The following TMEM268 variants were observed in gnomAD, a reference collection of about 807,000 sequenced individuals.
The protein encoded by TMEM268 is transmembrane protein C9orf91.
A neutral mutation model predicts 39.1 loss-of-function variants in TMEM268; 24 were observed. The ratio of observed to expected loss-of-function variants is 0.61; its 90% CI spans 0.44 to 0.86. TMEM268 has a LOEUF of 0.86. TMEM268 is among the 40% of genes least tolerant of loss of function. The probability of loss-of-function intolerance (pLI) is 0.00; values close to 1 mark genes in which losing one functional copy is unlikely to be tolerated. For missense variants in TMEM268, 409 were observed against 428.6 expected, an observed-to-expected ratio of 0.95 and a Z score of 0.40; for synonymous variants, 176 against 173.5, an observed-to-expected ratio of 1.01 and a Z score of -0.12.
intron 3 of TMEM268, among the ~76,000 whole-genome samples, chr9:114,626,072 G>A (rs991807481): frequency 1.3e-5 from 2 of 152,040 alleles, no homozygotes; most frequent in East Asian, 1.9e-4. Flanking sequence ...TGATCCGCCC[G>A]CCTTGACCTC....
chr9:114,642,566 T>C (rs1827402436), intron 8 of TMEM268, among the ~76,000 whole-genome samples: 1 of 152,140 alleles, frequency 6.6e-6, no homozygotes, highest in Non-Finnish European at 1.5e-5. Context: ...TACAGACTCA[T>C]AGACATTTGA....
At position 114,626,948 on chromosome 9, in the gene TMEM268, C is replaced by G. The variant is rs769358495; in HGVS notation, c.266C>G (p.Pro89Arg). ...RSLAESALLE[P>R]QVRRYIIYNS... ...TTGGCTGAGAGTGCCCTCTTGGAGC[C>G]CCAAGTGAGAAGATATATCATCTAC... is the stretch of plus-strand genomic sequence containing the variant. The change falls in exon 4 of 9, where the codon CCC (proline) becomes CGC (arginine). Residue 89 changes from proline (P) to arginine (R), a missense_variant. Physicochemically the swap from Pro to Arg is moderately radical, Grantham distance 103. Transcript: ENST00000288502. 13 of 1,613,650 alleles carry G rather than the reference C, an allele frequency of 8.1e-6. No individual in the cohort carries two copies. Among genetic ancestry groups the G allele is most frequent in the Non-Finnish European group, 1.0e-5 (12 of 1,179,706 alleles).
intron 5 of TMEM268, among the ~76,000 whole-genome samples, chr9:114,632,098 CAAA>C (rs57460241): frequency 2.6e-5 from 2 of 77,364 alleles, no homozygotes. Flanking sequence ...ACTAGGTCTC[CAAA>C]AAAAAAAAAA....
At chr9:114,623,440 C>T (rs1846027212) in intron 2 of TMEM268, among the ~76,000 whole-genome samples, 1 of 152,188 alleles carries the variant, frequency 6.6e-6, no homozygotes, top group Non-Finnish European at 1.5e-5. Flanking sequence ...GCCATTGCAC[C>T]CAGCTGGATT....
Position 114,633,775 on chromosome 9 carries a change from C to T in TMEM268, c.482C>T (p.Thr161Ile). The T allele has an allele frequency of 6.3e-7, 1 of 1,587,238 alleles. No individual in the cohort carries two copies. Among genetic ancestry groups the T allele is most frequent in the Non-Finnish European group, 8.6e-7 (1 of 1,166,738 alleles). ...VFERHQKKAN[T>I]NTDLRLAAAN... ...CTGGCGTTTGTCTTACAGGCCAACA[C>T]CAACACGGACCTGAGGCTGGCAGCT... The change falls in exon 6 of 9, where the codon ACC becomes ATC. Residue 161 changes from threonine (T) to isoleucine (I), a missense_variant. Physicochemically the swap from Thr to Ile is moderately conservative, Grantham distance 89. Coordinates refer to ENST00000288502, the MANE Select transcript of TMEM268 (RefSeq NM_153045.4).
At chr9:114,623,921 A>G (rs946400021) in intron 2 of TMEM268, among the ~76,000 whole-genome samples, 1 of 152,194 alleles carries the variant, frequency 6.6e-6, no homozygotes, top group African/African-American at 2.4e-5. Context: ...CTCTGAGCCT[A>G]CTGGGAATTT....
chr9:114,630,933 C>CTG (rs10701377), intron 5 of TMEM268, among the ~76,000 whole-genome samples: 104,419 of 151,810 alleles, frequency 0.69, 36,074 homozygotes, highest in East Asian at 0.73. Flanking sequence ...AGCATCCTCT[C>CTG]TGTTGTTACT....
chr9:114,617,059 A>G (rs1185872145), intron 1 of TMEM268, 59 bp from the exon 2 acceptor site: 9 of 588,066 alleles, frequency 1.5e-5, no homozygotes, highest in Admixed American at 7.2e-5. Flanking sequence ...GACAGCCCCT[A>G]GGAACCCCGG....
Position 114,638,527 on chromosome 9 carries a change from C to T in TMEM268, c.667-17C>T, listed in dbSNP as rs1456938236. 7.8e-6 allele frequency: 12 copies of T among 1,533,486 alleles called. No homozygotes were observed. The highest frequency in any genetic ancestry group is 9.7e-6 in the Non-Finnish European group (11 of 1,138,728). 95.0% of individuals were successfully genotyped at this position (1,533,486 alleles called of 1,614,324 possible). A position where few individuals can be genotyped will look rare whatever the true frequency, so the allele number is the denominator to read the frequency against. Reference sequence around the variant, plus strand: ...TGATTTAGGCACTCCTGAGCCCCTTCTCTGTTTCCTTTGCAGTCCTTGCTG... The same window carrying T: ...TGATTTAGGCACTCCTGAGCCCCTTTTCTGTTTCCTTTGCAGTCCTTGCTG... On this transcript the variant is annotated splice_polypyrimidine_tract_variant and intron_variant, in intron 7 of 8. Coordinates refer to ENST00000288502, the MANE Select transcript of TMEM268 (RefSeq NM_153045.4).
chr9:114,643,369 G>A lies in TMEM268; in HGVS notation c.*56G>A. ...AGACTGAGCAGTCAGGAAGGCTTCA[G>A]GAGCCCAAGATGGCCAATGGGGAGC... is the stretch of plus-strand genomic sequence containing the variant. On this transcript the variant is annotated 3_prime_UTR_variant, in exon 9 of 9. Coordinates refer to ENST00000288502, the MANE Select transcript of TMEM268 (RefSeq NM_153045.4). 1 of 1,553,766 alleles carries A rather than the reference G, an allele frequency of 6.4e-7. No homozygotes were observed. Among genetic ancestry groups the A allele is most frequent in the Non-Finnish European group, 8.8e-7 (1 of 1,130,614 alleles).
chr9:114,635,061 C>T (rs1015461811), intron 6 of TMEM268, among the ~76,000 whole-genome samples: 2 of 152,150 alleles, frequency 1.3e-5, no homozygotes, highest in Non-Finnish European at 2.9e-5. Context: ...AAAGAATGGG[C>T]TGGGCGTGGT....
At position 114,645,583 on chromosome 9, in the gene TMEM268, G is replaced by T. The variant is rs1177617338; in HGVS notation, c.*2270G>T. 6.6e-6 allele frequency: 1 copy of T among 152,374 alleles called. No homozygotes were observed. The highest frequency in any genetic ancestry group is 1.9e-4 in the East Asian group (1 of 5,330). 9.4% of individuals were successfully genotyped at this position (152,374 alleles called of 1,614,324 possible). A position where few individuals can be genotyped will look rare whatever the true frequency, so the allele number is the denominator to read the frequency against. On this transcript the variant is annotated 3_prime_UTR_variant, in exon 9 of 9. Coordinates refer to ENST00000288502, the MANE Select transcript of TMEM268 (RefSeq NM_153045.4). ...CTTTCTGACCTGGCACAGAGGAAAT[G>T]TTGGCTGTGAATGTGACCAATAGAA...
chr9:114,637,112 G>A (rs763384278), intron 7 of TMEM268, 42 bp downstream of exon 7: 2 of 1,320,002 alleles, frequency 1.5e-6, no homozygotes. Flanking sequence ...AAACCAGGAG[G>A]CCAAGTTGTA....
the TMEM268 span, among the ~76,000 whole-genome samples, chr9:114,604,343 C>T: frequency 2.0e-5 from 3 of 151,874 alleles, no homozygotes; most frequent in South Asian, 2.1e-4. Flanking sequence ...TTTGGGAGGC[C>T]GAGGCTGGTG....
At chr9:114,617,556 T>C (rs1845777881) in intron 2 of TMEM268, among the ~76,000 whole-genome samples, 1 of 152,148 alleles carries the variant, frequency 6.6e-6, no homozygotes, top group African/African-American at 2.4e-5. Flanking sequence ...CTTTATTATT[T>C]ATTTATATTT....
Position 114,644,605 on chromosome 9 carries a change from C to A in TMEM268, c.*1292C>A, listed in dbSNP as rs1310977396. ...CTGGACCTGCTAAGGAAAAAAAAATCTTGTGGATTGATTGCTTTGCCATCC... is the reference window on the plus strand; with the variant it reads ...CTGGACCTGCTAAGGAAAAAAAAATATTGTGGATTGATTGCTTTGCCATCC... On this transcript the variant is annotated 3_prime_UTR_variant, in exon 9 of 9. Coordinates refer to ENST00000288502, the MANE Select transcript of TMEM268 (RefSeq NM_153045.4). 1 of 151,426 alleles carries A rather than the reference C, an allele frequency of 6.6e-6. No homozygotes were observed. The highest frequency in any genetic ancestry group is 6.6e-5 in the Admixed American group (1 of 15,140). The allele number at this position is 151,426 out of a possible 1,614,324, so 9.4% of individuals were successfully genotyped here. A position where few individuals can be genotyped will look rare whatever the true frequency, so the allele number is the denominator to read the frequency against.
chr9:114,619,132 G>A (rs552277967), intron 2 of TMEM268, among the ~76,000 whole-genome samples: 1 of 152,314 alleles, frequency 6.6e-6, no homozygotes, highest in South Asian at 2.1e-4. Context: ...GTGTATATAT[G>A]TAAGGAAAGC....
upstream of TMEM268, among the ~76,000 whole-genome samples, chr9:114,606,642 C>T (rs1181235675): frequency 6.6e-6 from 1 of 152,118 alleles, no homozygotes; most frequent in Non-Finnish European, 1.5e-5. Flanking sequence ...ATTATCATTT[C>T]TATTTTGCAG....
intron 3 of TMEM268, 26 bp from the exon 4 acceptor site, chr9:114,626,873 G>C (rs368180091): frequency 1.3e-6 from 2 of 1,558,940 alleles, no homozygotes; most frequent in Non-Finnish European, 1.8e-6. Context: ...GCGGCTGATT[G>C]ATCTCTTTCC....
Sources: allele counts gnomAD v4.1 joint callset (sites outside exome capture counted in the v4.1 genomes callset), GRCh38; gene constraint gnomAD v4.1.1; transcripts MANE v1.5; gene names NCBI Gene and HGNC (gene_info 2026-07-23, HGNC 2026-07-21).